PIK3C2A: variants seen among roughly 807,000 people sequenced by gnomAD.
PIK3C2A encodes phosphatidylinositol 4-phosphate 3-kinase C2 domain-containing subunit alpha.
PIK3C2A carries 97 observed loss-of-function variants against 204.5 expected under a neutral mutation model. That is an observed-to-expected ratio of 0.47 (90% CI 0.40 to 0.56). PIK3C2A has a LOEUF of 0.56. Among genes scored for constraint, PIK3C2A ranks in the 20% least tolerant of loss-of-function variants. PIK3C2A has a pLI of 0.00. For synonymous variants in PIK3C2A, 653 were observed against 664.4 expected, an observed-to-expected ratio of 0.98 and a Z score of 0.26; for missense variants, 1,735 against 1,969.2, an observed-to-expected ratio of 0.88 and a Z score of 2.25.
At chr11:17,175,306 A>C (rs919026117) in intron 1 of PIK3C2A, among the ~76,000 whole-genome samples, 7 of 152,190 alleles carry the variant, frequency 4.6e-5, no homozygotes, top group Non-Finnish European at 1.5e-5. Context: ...TAAGTAGTAA[A>C]AGTGAGCTGA....
rs1555012650 is a variant in PIK3C2A at position 17,088,171 on chromosome 11, CT to C, written c.*1566del. On this transcript the variant is annotated 3_prime_UTR_variant, in exon 33 of 33. Transcript: ENST00000691414. ...TGTATTTCTATTCTAACCATGAGTT[CT>C]TATTATATATATGTATATATCCAAA... The C allele has an allele frequency of 1.1e-5, 1 of 90,966 alleles. No homozygotes were observed. Among genetic ancestry groups the C allele is most frequent in the Non-Finnish European group, 3.0e-5 (1 of 32,812 alleles). 5.6% of individuals were successfully genotyped at this position (90,966 alleles called of 1,614,324 possible).
chr11:17,143,478 CT>C (rs112638762), intron 8 of PIK3C2A, among the ~76,000 whole-genome samples: 4 of 152,054 alleles, frequency 2.6e-5, no homozygotes, highest in African/African-American at 9.7e-5. Context: ...CTAAAAACAC[CT>C]TAAGTGGCTA....
chr11:17,162,429 T>C (rs547856731), intron 2 of PIK3C2A, among the ~76,000 whole-genome samples: 38 of 152,180 alleles, frequency 2.5e-4, no homozygotes, highest in African/African-American at 7.7e-4. Flanking sequence ...TCTCAAATAA[T>C]TGTGTTTACA....
chr11:17,187,172 G>C (rs535257666), intron 1 of PIK3C2A, among the ~76,000 whole-genome samples: 4 of 152,310 alleles, frequency 2.6e-5, no homozygotes, highest in African/African-American at 4.8e-5. Flanking sequence ...TGCCCTGGGA[G>C]AATGTGTAGA....
chr11:17,163,908 T>A (rs1178834604), intron 2 of PIK3C2A, among the ~76,000 whole-genome samples: 6 of 142,598 alleles, frequency 4.2e-5, no homozygotes, highest in Non-Finnish European at 1.5e-5. Flanking sequence ...TACAAAACCT[T>A]AAAAAAAAAA....
Position 17,148,691 on chromosome 11 carries a change from C to G in PIK3C2A, c.1424G>C (p.Cys475Ser). Reference protein sequence around the residue: ...VDVGSYVLKVCGQEEVLQNNH... With the variant: ...VDVGSYVLKVSGQEEVLQNNH... ...CTTCTGCAGCACTTCCTCTTGACCA[C>G]AAACTTTTAGAACATAGCTGCCAAC... Residue 475 changes from cysteine (C) to serine (S), a missense_variant, in exon 5 of 33, where the codon TGT becomes TCT. Transcript: ENST00000691414. 1 of 1,613,372 alleles carries G rather than the reference C, an allele frequency of 6.2e-7. No individual in the cohort carries two copies. The highest frequency in any genetic ancestry group is 8.5e-7 in the Non-Finnish European group (1 of 1,179,640).
chr11:17,191,724 G>T (rs1198524709), intron 1 of PIK3C2A, among the ~76,000 whole-genome samples: 1 of 152,318 alleles, frequency 6.6e-6, no homozygotes, highest in African/African-American at 2.4e-5. Context: ...TGCAGTTGGT[G>T]TCAGAAGTGA....
At chr11:17,196,093 G>T (rs567670729) in intron 1 of PIK3C2A, among the ~76,000 whole-genome samples, 1 of 151,842 alleles carries the variant, frequency 6.6e-6, no homozygotes, top group Non-Finnish European at 1.5e-5. Context: ...ATCACATTGT[G>T]GATTAAGAAA....
intron 2 of PIK3C2A, among the ~76,000 whole-genome samples, chr11:17,166,128 C>T (rs1850938473): frequency 6.6e-6 from 1 of 152,012 alleles, no homozygotes; most frequent in Admixed American, 6.6e-5. Context: ...AAAATATTAA[C>T]AGTAATTCCT....
In PIK3C2A at chr11:17,089,680, C is replaced by A; in HGVS notation, c.*58G>T. The A allele has an allele frequency of 1.0e-6, 1 of 989,946 alleles. No individual in the cohort carries two copies. The highest frequency in any genetic ancestry group is 1.6e-6 in the Non-Finnish European group (1 of 635,628). 61.3% of individuals were successfully genotyped at this position (989,946 alleles called of 1,614,324 possible). A position where few individuals can be genotyped will look rare whatever the true frequency, so the allele number is the denominator to read the frequency against. On this transcript the variant is annotated 3_prime_UTR_variant, in exon 33 of 33. Coordinates refer to ENST00000691414, the MANE Select transcript of PIK3C2A (RefSeq NM_002645.4). ...GTGTGTGTGTGTCTGTGTGTGTGTG[C>A]ATGTATGCATGCACGTTTATAACTG... is the stretch of plus-strand genomic sequence containing the variant.
intron 1 of PIK3C2A, among the ~76,000 whole-genome samples, chr11:17,175,529 C>T (rs1485817508): frequency 1.3e-5 from 2 of 152,136 alleles, no homozygotes; most frequent in Non-Finnish European, 2.9e-5. Context: ...TTCCTACATC[C>T]TAATTCAAAA....
intron 2 of PIK3C2A, among the ~76,000 whole-genome samples, chr11:17,159,793 C>T (rs214906): frequency 0.42 from 63,926 of 152,016 alleles, 13,792 homozygotes; most frequent in Non-Finnish European, 0.47. Flanking sequence ...CTGCAGCTGG[C>T]AAGCTGGAGA....
At chr11:17,091,231 T>A in intron 32 of PIK3C2A, 103 bp downstream of exon 32, 1 of 971,366 alleles carries the variant, frequency 1.0e-6, no homozygotes. Flanking sequence ...TACGTTTAGC[T>A]ATGTAACAAA....
intron 22 of PIK3C2A, among the ~76,000 whole-genome samples, chr11:17,107,202 A>G (rs1352652562): frequency 6.6e-6 from 1 of 152,094 alleles, no homozygotes; most frequent in Admixed American, 6.6e-5. Flanking sequence ...AGTCCCAGCT[A>G]CTCGGGAGGC....
intron 32 of PIK3C2A, among the ~76,000 whole-genome samples, chr11:17,090,919 T>G (rs1008494274): frequency 6.6e-6 from 1 of 151,758 alleles, no homozygotes; most frequent in Non-Finnish European, 1.5e-5. Flanking sequence ...TTTTTCTTTT[T>G]TTTTTTTTGT....
intron 1 of PIK3C2A, among the ~76,000 whole-genome samples, chr11:17,185,128 G>A (rs1851710229): frequency 6.6e-6 from 1 of 151,920 alleles, no homozygotes; most frequent in Non-Finnish European, 1.5e-5. Flanking sequence ...TCATACTTAA[G>A]TGCCCTACAC....
chr11:17,116,762 T>C (rs1456880588), intron 19 of PIK3C2A, among the ~76,000 whole-genome samples: 1 of 152,116 alleles, frequency 6.6e-6, no homozygotes, highest in Non-Finnish European at 1.5e-5. Context: ...GCTAATTTTT[T>C]GTATTTTTAG....
intron 18 of PIK3C2A, 54 bp from the exon 19 acceptor site, chr11:17,117,725 T>C (rs1849249674): frequency 8.4e-7 from 1 of 1,190,936 alleles, no homozygotes; most frequent in Non-Finnish European, 1.2e-6. Flanking sequence ...TTTTTTTTTT[T>C]TTTTTTTGAG....
chr11:17,113,270 A>G (rs1053760949), intron 20 of PIK3C2A, among the ~76,000 whole-genome samples: 1 of 152,128 alleles, frequency 6.6e-6, no homozygotes, highest in African/African-American at 2.4e-5. Flanking sequence ...CTAAAATATC[A>G]TCTCGCTAGG....
Sources: gnomAD v4.1 joint callset for allele counts (sites outside exome capture counted in the v4.1 genomes callset) on GRCh38, gnomAD v4.1.1 for gene constraint, MANE v1.5 for transcripts, NCBI Gene and HGNC (gene_info 2026-07-23, HGNC 2026-07-21) for gene names.